SIRT4: variants seen among roughly 807,000 people sequenced by gnomAD.
SIRT4 encodes NAD-dependent protein lipoamidase sirtuin-4, mitochondrial.
SIRT4 carries 23 observed loss-of-function variants against 26.1 expected under a neutral mutation model. The ratio of observed to expected loss-of-function variants is 0.88; its 90% CI spans 0.63 to 1.25. SIRT4 has a LOEUF of 1.25. Ranked by LOEUF, SIRT4 falls within the 50% of genes most tolerant of loss-of-function variation. The pLI, the probability that SIRT4 is intolerant of heterozygous loss-of-function variation, is 0.00. For missense variants in SIRT4, 361 were observed against 405.4 expected (o/e 0.89, Z 0.94); for synonymous variants, 155 against 158.4 (o/e 0.98, Z 0.16).
chr12:120,293,207 A>C, the SIRT4 span: 17 of 152,290 alleles, frequency 1.1e-4, no homozygotes, highest in African/African-American at 3.6e-4. Context: ...GATAGACCTC[A>C]TTGGCTACGA....
At chr12:120,292,996 C>T in the SIRT4 span, 11 of 152,294 alleles carry the variant, frequency 7.2e-5, no homozygotes, top group South Asian at 4.1e-4. Context: ...CCCCATCTCT[C>T]ATTTAGAGAG....
At chr12:120,293,314 A>C in the SIRT4 span, 1 of 152,218 alleles carries the variant, frequency 6.6e-6, no homozygotes, top group African/African-American at 2.4e-5. Context: ...GGGCCTATGG[A>C]AAAATCTTCA....
At chr12:120,305,504 T>A (rs2136832970) in intron 2 of SIRT4, among the ~76,000 whole-genome samples, 1 of 152,206 alleles carries the variant, frequency 6.6e-6, no homozygotes, top group Admixed American at 6.6e-5. Context: ...CATGTGATCC[T>A]CCTGCCTTGG....
chr12:120,292,109 G>T, the SIRT4 span, among the ~76,000 whole-genome samples: 1 of 152,348 alleles, frequency 6.6e-6, no homozygotes, highest in Non-Finnish European at 1.5e-5. Context: ...ATTCGCTTGG[G>T]ACGCTGGGGA....
chr12:120,295,501 A>T, the SIRT4 span, among the ~76,000 whole-genome samples: 1 of 140,976 alleles, frequency 7.1e-6, no homozygotes, highest in Non-Finnish European at 1.5e-5. Context: ...ACCTCAAGTG[A>T]TCTGCCTGCC....
rs1872699129 is a variant in SIRT4 at position 120,305,017 on chromosome 12, G to T, written c.497+959G>T. On this transcript the variant is annotated intron_variant, in intron 2 of 3. Coordinates refer to ENST00000202967, the MANE Select transcript of SIRT4 (RefSeq NM_012240.3). ...AAAAATACAAAAATCTGTTGGAAGT[G>T]GTGGCACGCACCTGTAATTCCAGCT... Among the ~76,000 whole-genome samples, 4 of 151,184 alleles carry T rather than the reference G, an allele frequency of 2.6e-5. No homozygotes were observed. The South Asian group carries it at 8.3e-4, about 32-fold the overall frequency.
At chr12:120,293,108 A>G in the SIRT4 span, 10 of 152,220 alleles carry the variant, frequency 6.6e-5, no homozygotes, top group East Asian at 1.9e-4. Flanking sequence ...CTCCGTAGAG[A>G]CTGTCAAAAA....
chr12:120,312,416 C>G, intron 2 of SIRT4, 40 bp from the exon 3 acceptor site: 2 of 1,557,724 alleles, frequency 1.3e-6, no homozygotes, highest in Non-Finnish European at 1.7e-6. Context: ...TTGTGCCTCC[C>G]AAGGGCATAC....
rs140954170 is a variant in SIRT4 at position 120,303,620 on chromosome 12, C to T, written c.59C>T (p.Pro20Leu). 3.1e-6 allele frequency: 5 copies of T among 1,614,112 alleles called. No individual in the cohort carries two copies. The highest frequency in any genetic ancestry group is 4.2e-6 in the Non-Finnish European group (5 of 1,180,018). ...GCAAAAGGCCGTTGGATCGCAAACC[C>T]CAGCCAGCCGTGCTCGAAAGCCTCC... Reference protein sequence around the residue: ...RSAKGRWIANPSQPCSKASIG... With the variant: ...RSAKGRWIANLSQPCSKASIG... Residue 20 changes from proline (P) to leucine (L), a missense_variant, in exon 2 of 4, where the codon CCC becomes CTC. Transcript: ENST00000202967.
At chr12:120,294,107 G>C in the SIRT4 span, among the ~76,000 whole-genome samples, 1 of 137,084 alleles carries the variant, frequency 7.3e-6, no homozygotes, top group African/African-American at 2.7e-5. Flanking sequence ...GGATTCAAGC[G>C]ATTCTCCTGC....
upstream of SIRT4, among the ~76,000 whole-genome samples, chr12:120,301,572 G>A (rs1169522636): frequency 6.6e-6 from 1 of 151,856 alleles, no homozygotes; most frequent in Non-Finnish European, 1.5e-5. Context: ...GGCCGAGGTT[G>A]GCGGATCACC....
intron 2 of SIRT4, among the ~76,000 whole-genome samples, chr12:120,311,924 G>A (rs1381434090): frequency 1.3e-5 from 2 of 151,980 alleles, no homozygotes; most frequent in Non-Finnish European, 2.9e-5. Context: ...AGCAGGCAAG[G>A]CATTTGCAGT....
the SIRT4 span, among the ~76,000 whole-genome samples, chr12:120,293,428 G>C: frequency 6.6e-6 from 1 of 152,150 alleles, no homozygotes. Flanking sequence ...GGTTTTTGTT[G>C]ATATGAAGCA....
chr12:120,304,833 A>T (rs1202245003), intron 2 of SIRT4, among the ~76,000 whole-genome samples: 328 of 8,062 alleles, frequency 0.041, 1 homozygote, highest in Non-Finnish European at 0.12. Flanking sequence ...ATATATATAT[A>T]TATTTTTTTT....
In SIRT4 at chr12:120,304,033, A is replaced by T. The variant is rs1332614090; in HGVS notation, c.472A>T (p.Thr158Ser). Residue 158 changes from threonine to serine, a missense_variant, in exon 2 of 4, where the codon ACA (threonine) becomes TCA (serine). Coordinates refer to ENST00000202967, the MANE Select transcript of SIRT4 (RefSeq NM_012240.3). ...CACCAAGGCGGGGAGTCGGCGCCTG[A>T]CAGAGCTCCACGGATGCATGGACAG... ...LHTKAGSRRL[T>S]ELHGCMDRVL... 2 of 1,609,442 alleles carry T rather than the reference A, an allele frequency of 1.2e-6. No homozygotes were observed. Among genetic ancestry groups the T allele is most frequent in the Non-Finnish European group, 1.7e-6 (2 of 1,180,006 alleles).
chr12:120,292,084 G>GA, the SIRT4 span, among the ~76,000 whole-genome samples: 2 of 152,192 alleles, frequency 1.3e-5, no homozygotes, highest in South Asian at 2.1e-4. Flanking sequence ...TTCAGGTTTT[G>GA]AAAACCATAA....
chr12:120,297,014 G>A, the SIRT4 span, among the ~76,000 whole-genome samples: 2 of 151,026 alleles, frequency 1.3e-5, no homozygotes, highest in Non-Finnish European at 3.0e-5. Context: ...CACAAGGTCA[G>A]GAGTTCAAGA....
chr12:120,309,714 CTT>C (rs564627080), intron 2 of SIRT4, among the ~76,000 whole-genome samples: 21 of 111,072 alleles, frequency 1.9e-4, no homozygotes, highest in East Asian at 5.3e-4. Context: ...TGCCCGCTTT[CTT>C]TTTTTTTTTT....
the SIRT4 span, among the ~76,000 whole-genome samples, chr12:120,292,297 T>C: frequency 3.3e-5 from 5 of 152,006 alleles, no homozygotes; most frequent in Non-Finnish European, 7.4e-5. Flanking sequence ...GACGTCACTG[T>C]GACAAAATCT....
Sources: allele counts gnomAD v4.1 joint callset (sites outside exome capture counted in the v4.1 genomes callset), GRCh38; gene constraint gnomAD v4.1.1; transcripts MANE v1.5; gene names NCBI Gene and HGNC (gene_info 2026-07-23, HGNC 2026-07-21).